RYR3: variants seen among roughly 807,000 people sequenced by gnomAD.
RYR3 encodes the protein ryanodine receptor 3.
RYR3 carries 207 observed loss-of-function variants against 584.3 expected under a neutral mutation model. The observed-to-expected ratio is 0.35, with a 90% CI of 0.32 to 0.40. The LOEUF (loss-of-function observed/expected upper bound fraction) is 0.40. RYR3 is among the 10% of genes least tolerant of loss of function. RYR3 has a pLI of 1.00. For synonymous variants in RYR3, 2,416 were observed against 2,248.5 expected (o/e 1.07, Z -2.11); for missense variants, 5,616 against 6,089.2 (o/e 0.92, Z 2.59).
At chr15:33,566,930 C>A in intron 12 of RYR3, 131 bp downstream of exon 12, 2 of 1,059,788 alleles carry the variant, frequency 1.9e-6, no homozygotes, top group Non-Finnish European at 2.8e-6. Flanking sequence ...GTTTTACCAT[C>A]AAGAGCTTGA....
chr15:33,410,494 C>A (rs2256383), intron 1 of RYR3, among the ~76,000 whole-genome samples: 74,301 of 152,086 alleles, frequency 0.49, 18,445 homozygotes, highest in South Asian at 0.61. Context: ...AAACTCAGGA[C>A]CAGTCATCCG....
chr15:33,663,594 A>T lies in RYR3; in HGVS notation c.5476A>T (p.Ile1826Phe), dbSNP rs61996328. ...TGAGCTGCAGCACCGAGTGGAGGCC[A>T]TTGTGGCATTTGGTGACATTTATGT... ...DCELQHRVEAIVAFGDIYVSK... is the reference protein window; with the variant it reads ...DCELQHRVEAFVAFGDIYVSK... Residue 1826 changes from isoleucine (I) to phenylalanine (F), a missense_variant, in exon 36 of 104, where the codon ATT (isoleucine) becomes TTT (phenylalanine). Ile to Phe is a conservative substitution (Grantham distance 21). Coordinates refer to ENST00000634891, the MANE Select transcript of RYR3 (RefSeq NM_001036.6). The T allele has an allele frequency of 1.9e-6, 3 of 1,613,870 alleles. No homozygotes were observed. In the African/African-American group the frequency reaches 4.0e-5, roughly 22 times the overall value.
intron 2 of RYR3, among the ~76,000 whole-genome samples, chr15:33,487,677 T>C (rs1353811663): frequency 6.6e-6 from 1 of 152,168 alleles, no homozygotes; most frequent in Non-Finnish European, 1.5e-5. Flanking sequence ...GAAACTAGCC[T>C]ACATCAGGCC....
chr15:33,848,826 CTTT>C (rs769204969), intron 94 of RYR3, among the ~76,000 whole-genome samples: 10 of 75,246 alleles, frequency 1.3e-4, no homozygotes, highest in Middle Eastern at 0.01. Flanking sequence ...CTGAAGTCCT[CTTT>C]TTTTTTTTTT....
Position 33,853,023 on chromosome 15 carries a change from C to A in RYR3, c.13629-22C>A, listed in dbSNP as rs529196353. On this transcript the variant is annotated intron_variant, in intron 94 of 103. Transcript: ENST00000634891. ...CTTGATGTTAAGAATGAAGAACCAA[C>A]CTTTTTCGTTTTGTTTTTCAGATCT... is the stretch of plus-strand genomic sequence containing the variant. 15 of 1,597,062 alleles carry A rather than the reference C, an allele frequency of 9.4e-6. No individual in the cohort carries two copies. The South Asian group carries it at 1.5e-4, about 16-fold the overall frequency.
In RYR3 at chr15:33,493,625, A is replaced by G. The variant is rs2572166; in HGVS notation, c.172-10006A>G. Among the ~76,000 whole-genome samples the G allele has an allele frequency of 7.4e-3, 1,128 of 152,338 alleles. 18 individuals are homozygous for G. The highest frequency in any genetic ancestry group is 0.025 in the African/African-American group (1,026 of 41,574). ...TCACCTATTGGCACCTTAGCTTTGT[A>G]ACATGCCGACCATGTGCTGCCAGGC... On this transcript the variant is annotated intron_variant, in intron 2 of 103. Coordinates refer to ENST00000634891, the MANE Select transcript of RYR3 (RefSeq NM_001036.6).
At chr15:33,857,557 C>T (rs1282757200) in intron 98 of RYR3, among the ~76,000 whole-genome samples, 2 of 152,130 alleles carry the variant, frequency 1.3e-5, no homozygotes, top group Non-Finnish European at 2.9e-5. Flanking sequence ...AACACCCCAT[C>T]ATTACTCTTT....
At chr15:33,695,089 C>G (rs2065741561) in intron 38 of RYR3, among the ~76,000 whole-genome samples, 1 of 152,220 alleles carries the variant, frequency 6.6e-6, no homozygotes, top group African/African-American at 2.4e-5. Context: ...CACTGATTGA[C>G]TGAGTGACCT....
At chr15:33,317,936 G>A (rs534916073) in intron 1 of RYR3, among the ~76,000 whole-genome samples, 15 of 152,230 alleles carry the variant, frequency 9.9e-5, no homozygotes, top group Admixed American at 3.3e-4. Flanking sequence ...TTGATTTCAG[G>A]TCTCTCTGCT....
At chr15:33,698,696 G>A (rs2066044501) in intron 40 of RYR3, among the ~76,000 whole-genome samples, 1 of 152,118 alleles carries the variant, frequency 6.6e-6, no homozygotes, top group African/African-American at 2.4e-5. Flanking sequence ...GTGTGTAGAA[G>A]GAACAGAAGC....
At position 33,613,222 on chromosome 15, in the gene RYR3, T is replaced by A; in HGVS notation, c.2204T>A (p.Leu735His). ...PRAVASINQHLLRSDDVVSCC... is the reference protein window; with the variant it reads ...PRAVASINQHHLRSDDVVSCC... ...GCTGTGGCTTCCATCAACCAGCACC[T>A]CCTGAGATCGGATGACGTGGTAAGC... is the stretch of plus-strand genomic sequence containing the variant. Residue 735 changes from leucine (L) to histidine (H), a missense_variant, in exon 19 of 104, where the codon CTC becomes CAC. Leu to His is a moderately conservative substitution (Grantham distance 99, BLOSUM62 -3). Transcript: ENST00000634891. The A allele has an allele frequency of 6.2e-7, 1 of 1,613,854 alleles. No homozygotes were observed. The highest frequency in any genetic ancestry group is 8.5e-7 in the Non-Finnish European group (1 of 1,179,826).
intron 19 of RYR3, among the ~76,000 whole-genome samples, chr15:33,618,287 A>G (rs953750975): frequency 2.0e-5 from 3 of 152,212 alleles, no homozygotes; most frequent in African/African-American, 7.2e-5. Flanking sequence ...TATAAAAATA[A>G]CCATATCCAA....
chr15:33,547,324 A>G (rs1250206918), intron 8 of RYR3, among the ~76,000 whole-genome samples: 1 of 152,176 alleles, frequency 6.6e-6, no homozygotes, highest in Non-Finnish European at 1.5e-5. Context: ...GCAGTGTGGT[A>G]TCCTGGATTA....
intron 1 of RYR3, among the ~76,000 whole-genome samples, chr15:33,399,724 G>T (rs35134950): frequency 0.032 from 4,840 of 152,130 alleles, 111 homozygotes; most frequent in Non-Finnish European, 0.05. Context: ...CCCCAGGCAA[G>T]AACAATGACA....
intron 1 of RYR3, among the ~76,000 whole-genome samples, chr15:33,432,952 C>T (rs560622116): frequency 1.2e-4 from 18 of 151,658 alleles, no homozygotes; most frequent in South Asian, 4.2e-4. Context: ...GCCTTAGAAC[C>T]GTGGAAATAA....
intron 19 of RYR3, among the ~76,000 whole-genome samples, chr15:33,619,000 C>A (rs1467837498): frequency 6.6e-6 from 1 of 152,118 alleles, no homozygotes; most frequent in East Asian, 1.9e-4. Flanking sequence ...CCTGTGTTTT[C>A]AAAATCAGTC....
chr15:33,468,987 T>C (rs958812090), intron 1 of RYR3, among the ~76,000 whole-genome samples: 14 of 152,220 alleles, frequency 9.2e-5, no homozygotes, highest in Non-Finnish European at 1.3e-4. Context: ...ATAGTGTTGA[T>C]GCGAAGCTTA....
intron 3 of RYR3, among the ~76,000 whole-genome samples, chr15:33,528,026 C>T (rs1428160625): frequency 6.6e-6 from 1 of 152,162 alleles, no homozygotes; most frequent in Admixed American, 6.5e-5. Flanking sequence ...ACCAAGATTT[C>T]TGGTCTGCTC....
chr15:33,646,927 A>T (rs1420242586), intron 29 of RYR3, among the ~76,000 whole-genome samples: 2 of 152,046 alleles, frequency 1.3e-5, no homozygotes, highest in African/African-American at 4.8e-5. Context: ...GCATTGTCCA[A>T]CTCTGCAGCT....
Sources: allele counts gnomAD v4.1 joint callset (sites outside exome capture counted in the v4.1 genomes callset), GRCh38; gene constraint gnomAD v4.1.1; transcripts MANE v1.5; gene names NCBI Gene and HGNC (gene_info 2026-07-23, HGNC 2026-07-21).